Variants in CLPTM1L observed in about 807,000 individuals in gnomAD.
CLPTM1L encodes CLPTM1 like.
CLPTM1L carries 38 observed loss-of-function variants against 70.9 expected under a neutral mutation model. That is an observed-to-expected ratio of 0.54 (90% CI 0.41 to 0.70). The LOEUF is 0.70. Among genes scored for constraint, CLPTM1L ranks in the 30% least tolerant of loss-of-function variants. The pLI, the probability that CLPTM1L is intolerant of heterozygous loss-of-function variation, is 0.00. For missense variants in CLPTM1L, 652 were observed against 705.9 expected (o/e 0.92, Z 0.87); for synonymous variants, 339 against 299.9 (o/e 1.13, Z -1.35).
At position 1,333,488 on chromosome 5, in the gene CLPTM1L, C is replaced by T. The variant is rs1296983898; in HGVS notation, c.891+801G>A. ...ATAAGGGGGGACTATTGTATACACACCAGATGAGGATAAGGGGGGACTACT... is the reference window on the plus strand; with the variant it reads ...ATAAGGGGGGACTATTGTATACACATCAGATGAGGATAAGGGGGGACTACT... On this transcript the variant is annotated intron_variant, in intron 7 of 16. Transcript: ENST00000320895. Among the ~76,000 whole-genome samples, 176 of 125,082 alleles carry T rather than the reference C, an allele frequency of 1.4e-3. 3 individuals are homozygous for T. The highest frequency in any genetic ancestry group is 7.5e-3 in the Middle Eastern group (1 of 134). The allele number at this position is 125,082 out of a possible 152,430, so 82.1% of individuals were successfully genotyped here.
intron 5 of CLPTM1L, 72 bp from the exon 6 acceptor site, chr5:1,335,246 AC>A: frequency 8.2e-7 from 1 of 1,218,284 alleles, no homozygotes; most frequent in East Asian, 2.4e-5. Flanking sequence ...GCCCTCGCCA[AC>A]CCTGCCATCC....
chr5:1,334,045 C>G (rs909809093), intron 7 of CLPTM1L, among the ~76,000 whole-genome samples: 1 of 152,144 alleles, frequency 6.6e-6, no homozygotes, highest in Non-Finnish European at 1.5e-5. Context: ...CAGCACAGCC[C>G]AAGTCGCCAA....
At chr5:1,319,986 G>A (rs1052446112) in intron 16 of CLPTM1L, among the ~76,000 whole-genome samples, 1 of 152,246 alleles carries the variant, frequency 6.6e-6, no homozygotes, top group Non-Finnish European at 1.5e-5. Flanking sequence ...GGAGGGAAGC[G>A]GGAGGCCCAG....
chr5:1,325,767 A>G lies in CLPTM1L; in HGVS notation c.1130T>C (p.Leu377Pro), dbSNP rs763308335. 4.7e-5 allele frequency: 76 copies of G among 1,613,750 alleles called. 1 individual carries two copies. The highest frequency in any genetic ancestry group is 6.0e-5 in the Non-Finnish European group (71 of 1,179,646). Residue 377 changes from leucine to proline, a missense_variant, in exon 10 of 17, where the codon CTG (leucine) becomes CCG (proline). By Grantham distance (98) the Leu-to-Pro change is moderately conservative. Coordinates refer to ENST00000320895, the MANE Select transcript of CLPTM1L (RefSeq NM_030782.5). ...ALKMTIFWRG[L>P]MPEFQFGTYS... ...AAATCCTACCTGAAATTCGGGCATCAGGCCTCTCCAAAAAATAGTCATCTT... is the reference window on the plus strand; with the variant it reads ...AAATCCTACCTGAAATTCGGGCATCGGGCCTCTCCAAAAAATAGTCATCTT...
intron 15 of CLPTM1L, 64 bp downstream of exon 15, chr5:1,321,571 G>A: frequency 3.4e-6 from 5 of 1,451,542 alleles, no homozygotes; most frequent in South Asian, 2.3e-5. Flanking sequence ...GCTGTTGGCT[G>A]GAAGACGCCC....
rs1448992122 is a variant in CLPTM1L, at chr5:1,338,146, CAG to C, written c.600-166_600-165del. 3.9e-5 allele frequency: 25 copies of C among 643,162 alleles called. No homozygotes were observed. In the South Asian group the frequency reaches 4.3e-4, roughly 11 times the overall value. The allele number at this position is 643,162 out of a possible 1,614,324, so 39.8% of individuals were successfully genotyped here. Reference sequence around the variant, plus strand: ...AGGGCACAGCCTCCCCAAACGGAAGCAGAGAGCCTGACAACATATGCACGCTT... The same window carrying C: ...AGGGCACAGCCTCCCCAAACGGAAGCAGAGCCTGACAACATATGCACGCTT... On this transcript the variant is annotated intron_variant, in intron 4 of 16. Transcript: ENST00000320895.
At position 1,319,364 on chromosome 5, in the gene CLPTM1L, G is replaced by GGA. The variant is rs1411510995; in HGVS notation, c.1533-912_1533-911insTC. 4.8e-4 allele frequency among the ~76,000 whole-genome samples: 65 copies of GGA among 136,314 alleles called. 1 individual carries two copies. Among genetic ancestry groups the GGA allele is most frequent in the African/African-American group, 1.6e-3 (62 of 37,978 alleles). The allele number at this position is 136,314 out of a possible 152,430, so 89.4% of individuals were successfully genotyped here. A position where few individuals can be genotyped will look rare whatever the true frequency, so the allele number is the denominator to read the frequency against. On this transcript the variant is annotated intron_variant, in intron 16 of 16. Coordinates refer to ENST00000320895, the MANE Select transcript of CLPTM1L (RefSeq NM_030782.5). ...GCACGAGACAGCAACAGGGTGGGGG[G>GGA]GGGCAGCCGGCGGCCAGGCCTGGAG...
rs778003762 is a variant in CLPTM1L, at chr5:1,344,774, G to A, written c.68C>T (p.Thr23Ile). The A allele has an allele frequency of 4.4e-6, 7 of 1,606,140 alleles. No individual in the cohort carries two copies. Among genetic ancestry groups the A allele is most frequent in the African/African-American group, 1.3e-5 (1 of 74,798 alleles). Residue 23 changes from threonine (T) to isoleucine (I), a missense_variant, in exon 1 of 17, where the codon ACC (threonine) becomes ATC (isoleucine). By Grantham distance (89) the Thr-to-Ile change is moderately conservative (BLOSUM62 -1). Coordinates refer to ENST00000320895, the MANE Select transcript of CLPTM1L (RefSeq NM_030782.5). ...VGVFVVYVVHTCWVMYGIVYT... is the reference protein window; with the variant it reads ...VGVFVVYVVHICWVMYGIVYT... ...GACGATGCCGTACATGACCCAGCAG[G>A]TGTGCACCACGTAGACCACGAACAC...
intron 4 of CLPTM1L, 148 bp downstream of exon 4, chr5:1,338,712 G>A: frequency 1.2e-6 from 1 of 828,212 alleles, no homozygotes; most frequent in Non-Finnish European, 1.9e-6. Context: ...ACCTCAATGA[G>A]GAAGTGGGAA....
intron 13 of CLPTM1L, 79 bp from the exon 14 acceptor site, chr5:1,321,898 G>C: frequency 7.4e-7 from 1 of 1,357,516 alleles, no homozygotes; most frequent in African/African-American, 1.4e-5. Flanking sequence ...CTCACGAGGT[G>C]TGGAGGGCCG....
chr5:1,326,705 ATTCC>A, intron 9 of CLPTM1L, among the ~76,000 whole-genome samples: 1 of 151,610 alleles, frequency 6.6e-6, no homozygotes, highest in African/African-American at 2.4e-5. Flanking sequence ...CTACGGGGAC[ATTCC>A]ATCCAGCTCC....
intron 7 of CLPTM1L, 200 bp from the exon 8 acceptor site, chr5:1,332,083 C>T: frequency 1.7e-6 from 1 of 590,480 alleles, no homozygotes; most frequent in Non-Finnish European, 3.0e-6. Flanking sequence ...CCCAGGCGGG[C>T]TTTGCAGGGG....
Position 1,318,472 on chromosome 5 carries a change from G to A in CLPTM1L, c.1533-19C>T. On this transcript the variant is annotated intron_variant, in intron 16 of 16. Transcript: ENST00000320895. This position sits in a 1 kb window ranked among gnomAD's most constrained non-coding sequence, Gnocchi z 8.9. The stretch of plus-strand genomic sequence containing the variant: ...ATAAAGCCTGCAATGACACAAATGA[G>A]CACATCAGCAAACCCCACTGCAGGG... 1 of 1,606,568 alleles carries A rather than the reference G, an allele frequency of 6.2e-7. No individual in the cohort carries two copies. The highest frequency in any genetic ancestry group is 1.7e-5 in the Admixed American group (1 of 59,850).
rs1753968386 is a variant in CLPTM1L at position 1,342,017 on chromosome 5, T to TGC, written c.264-158_264-157insGC. ...CCCAGGGCTTTACGAGTCGTGTGTG[T>TGC]GTGTGTGTGTGTGTGTGTGTGTGCA... On this transcript the variant is annotated intron_variant, in intron 2 of 16. Coordinates refer to ENST00000320895, the MANE Select transcript of CLPTM1L (RefSeq NM_030782.5). The surrounding 1 kb of genome is among the most constrained non-coding windows in gnomAD (Gnocchi z 4.3). Among the ~76,000 whole-genome samples, 4 of 126,050 alleles carry TGC rather than the reference T, an allele frequency of 3.2e-5. No individual in the cohort carries two copies. The highest frequency in any genetic ancestry group is 1.4e-4 in the African/African-American group (4 of 28,616). The allele number at this position is 126,050 out of a possible 152,430, so 82.7% of individuals were successfully genotyped here. A position where few individuals can be genotyped will look rare whatever the true frequency, so the allele number is the denominator to read the frequency against.
In CLPTM1L at chr5:1,321,655, A is replaced by G; in HGVS notation, c.1396T>C (p.Trp466Arg). Residue 466 changes from tryptophan (W) to arginine (R), a missense_variant, in exon 15 of 17, where the codon TGG becomes CGG. Transcript: ENST00000320895. Reference protein sequence around the residue: ...YKLKSVAHLPWKAFTYKAFNT... With the variant: ...YKLKSVAHLPRKAFTYKAFNT... Reference sequence around the variant, plus strand: ...CTCACCTTGTAGGTGAAGGCCTTCCAGGGCAGATGTGCCACTGACTTCAAC... The same window carrying G: ...CTCACCTTGTAGGTGAAGGCCTTCCGGGGCAGATGTGCCACTGACTTCAAC... 2 of 1,613,970 alleles carry G rather than the reference A, an allele frequency of 1.2e-6. No individual in the cohort carries two copies. The highest frequency in any genetic ancestry group is 1.7e-6 in the Non-Finnish European group (2 of 1,180,032).
Position 1,338,902 on chromosome 5 carries a change from T to C in CLPTM1L, c.557A>G (p.Asp186Gly), listed in dbSNP as rs781390473. ...CACATCGGCAGGCAGGGAGGACCCGTCAAAGACAAAGTTGTCCGCCATCAC... is the reference window on the plus strand; with the variant it reads ...CACATCGGCAGGCAGGGAGGACCCGCCAAAGACAAAGTTGTCCGCCATCAC... The part of the protein sequence containing the change: ...LNVMADNFVF[D>G]GSSLPADVHR... The change falls in exon 4 of 17, where the codon GAC becomes GGC. Residue 186 changes from aspartate to glycine, a missense_variant. Transcript: ENST00000320895. The C allele has an allele frequency of 6.2e-7, 1 of 1,613,308 alleles. No individual in the cohort carries two copies. Among genetic ancestry groups the C allele is most frequent in the Admixed American group, 1.7e-5 (1 of 60,020 alleles).
Position 1,344,735 on chromosome 5 carries a change from C to T in CLPTM1L, c.107G>A (p.Cys36Tyr), listed in dbSNP as rs753452064. The change falls in exon 1 of 17, where the codon TGC (cysteine) becomes TAC (tyrosine). Residue 36 changes from cysteine to tyrosine, a missense_variant. Cys to Tyr is a radical substitution (Grantham distance 194). This residue lies in a region of CLPTM1L where 402 missense variants were observed against 388.2 expected (regional missense o/e 1.04). Transcript: ENST00000320895. ...CTGGATGCAGTTGGCGTCGCCGGAGCACGGGCGGGTGTAGACGATGCCGTA... is the reference window on the plus strand; with the variant it reads ...CTGGATGCAGTTGGCGTCGCCGGAGTACGGGCGGGTGTAGACGATGCCGTA... ...VMYGIVYTRP[C>Y]SGDANCIQPY... 6.3e-7 allele frequency: 1 copy of T among 1,599,832 alleles called. No homozygotes were observed.
intron 10 of CLPTM1L, 97 bp from the exon 11 acceptor site, chr5:1,324,910 T>C: frequency 8.6e-7 from 1 of 1,157,448 alleles, no homozygotes; most frequent in Admixed American, 1.7e-5. Context: ...GCTGCAGAGC[T>C]GACCCAGGCC....
intron 12 of CLPTM1L, 144 bp from the exon 13 acceptor site, chr5:1,323,055 G>T: frequency 1.2e-6 from 1 of 806,932 alleles, no homozygotes. Context: ...GAGCAGCAGT[G>T]CTGAGCCTGG....
Sources: gnomAD v4.1 joint callset for allele counts (sites outside exome capture counted in the v4.1 genomes callset) on GRCh38, gnomAD v4.1.1 for gene constraint, gnomAD v4.1.1 regional missense constraint, Gnocchi (gnomAD v3.1) non-coding constraint, MANE v1.5 for transcripts, NCBI Gene and HGNC (gene_info 2026-07-23, HGNC 2026-07-21) for gene names.